The following RTN4 variants were observed in gnomAD, a reference collection of about 807,000 sequenced individuals.
The protein encoded by RTN4 is reticulon-4.
A neutral mutation model predicts 90.4 loss-of-function variants in RTN4; 32 were observed. The ratio of observed to expected loss-of-function variants is 0.35; its 90% CI spans 0.27 to 0.48. RTN4 has a LOEUF of 0.48. Among genes scored for constraint, RTN4 ranks in the 20% least tolerant of loss-of-function variants. The pLI, the probability that RTN4 is intolerant of heterozygous loss-of-function variation, is 0.99. For missense variants in RTN4, 1,706 were observed against 1,430.2 expected (o/e 1.19, Z -3.11); for synonymous variants, 629 against 552.5 (o/e 1.14, Z -1.94).
At chr2:55,103,680 A>G (rs1329605774) in intron 1 of RTN4, among the ~76,000 whole-genome samples, 1 of 152,010 alleles carries the variant, frequency 6.6e-6, no homozygotes, top group Non-Finnish European at 1.5e-5. Context: ...ACAGTTGTAT[A>G]CTTTAAAAAT....
In RTN4 at chr2:55,059,310, G is replaced by GT. The variant is rs35786539; in HGVS notation, c.-63+21178dup. On this transcript the variant is annotated intron_variant, in intron 2 of 3. Coordinates refer to the RTN4 transcript ENST00000427710. ...CAAAATCTATGATTTAGACTTAATT[G>GT]TTTTTTTTTTTTAATATACTTAATA... Among the ~76,000 whole-genome samples, 677 of 150,350 alleles carry GT rather than the reference G, an allele frequency of 4.5e-3. 4 individuals are homozygous for GT. The highest frequency in any genetic ancestry group is 0.016 in the African/African-American group (629 of 40,452).
At chr2:55,113,675 C>T (rs868335939), upstream of RTN4, among the ~76,000 whole-genome samples, 9 of 152,144 alleles carry the variant, frequency 5.9e-5, no homozygotes, top group African/African-American at 2.2e-4. Flanking sequence ...GGTTTCACAA[C>T]CCACATCATC....
At position 54,982,662 on chromosome 2, in the gene RTN4, C is replaced by G. The variant is rs968861579; in HGVS notation, c.3222-9G>C. The G allele has an allele frequency of 6.3e-7, 1 of 1,598,252 alleles. No individual in the cohort carries two copies. Among genetic ancestry groups the G allele is most frequent in the Non-Finnish European group, 8.5e-7 (1 of 1,174,360 alleles). On this transcript the variant is annotated splice_polypyrimidine_tract_variant and intron_variant, in intron 4 of 8. Coordinates refer to ENST00000337526, the MANE Select transcript of RTN4 (RefSeq NM_020532.5). ...CAGATTCCAGATATGCCCTAGAAAA[C>G]AAAACACATCATAATTGTCACTAAT... is the stretch of plus-strand genomic sequence containing the variant.
chr2:55,132,891 T>A, the RTN4 span, among the ~76,000 whole-genome samples: 2 of 21,802 alleles, frequency 9.2e-5, no homozygotes, highest in East Asian at 3.6e-3. Flanking sequence ...TCCAGTTTTG[T>A]TGTTGTTTTT....
In RTN4 at chr2:55,020,484, C is replaced by CTAA. The variant is rs1681347892; in HGVS notation, c.3013+4601_3013+4602insTTA. Reference sequence around the variant, plus strand: ...CCAAGAACATTCATTGATACTACTACTGAGAAAAAAAATCAGTATTTACAT... The same window carrying CTAA: ...CCAAGAACATTCATTGATACTACTACTAATGAGAAAAAAAATCAGTATTTACAT... On this transcript the variant is annotated intron_variant, in intron 3 of 8. Transcript: ENST00000337526. Among the ~76,000 whole-genome samples the CTAA allele has an allele frequency of 2.0e-5, 3 of 148,510 alleles. No homozygotes were observed. The South Asian group carries it at 6.6e-4, about 32-fold the overall frequency.
Position 55,031,043 on chromosome 2 carries a change from AC to A in RTN4, c.557-2824del, listed in dbSNP as rs770122542. ...ACCCTGTAAGGTAGGTACTACTGTT[AC>A]CCCCATTTCACATACGAGAAAAGAG... is the stretch of plus-strand genomic sequence containing the variant. On this transcript the variant is annotated intron_variant, in intron 1 of 8. Transcript: ENST00000337526. Among the ~76,000 whole-genome samples the A allele has an allele frequency of 8.8e-4, 134 of 152,226 alleles. 3 individuals carry two copies. The highest frequency in any genetic ancestry group is 3.7e-3 in the South Asian group (18 of 4,822).
At chr2:55,072,478 C>T (rs1298453284) in intron 2 of RTN4, among the ~76,000 whole-genome samples, 1 of 152,208 alleles carries the variant, frequency 6.6e-6, no homozygotes, top group East Asian at 1.9e-4. Flanking sequence ...ATCCGCCTGC[C>T]TCAGCCTCCC....
At position 55,103,664 on chromosome 2, in the gene RTN4, T is replaced by C. The variant is rs1163133931; in HGVS notation, c.-214+8856A>G. On this transcript the variant is annotated intron_variant, in intron 1 of 3. Transcript: ENST00000427710. ...TCTTTTTCTACGTCTCACAGAAGAC[T>C]TCTATACAGTTGTATACTTTAAAAA... is the stretch of plus-strand genomic sequence containing the variant. 2.0e-5 allele frequency among the ~76,000 whole-genome samples: 3 copies of C among 152,146 alleles called. No homozygotes were observed. In the East Asian group the frequency reaches 5.8e-4, roughly 29 times the overall value.
intron 1 of RTN4, among the ~76,000 whole-genome samples, chr2:55,097,859 G>A (rs1667773075): frequency 6.6e-6 from 1 of 152,042 alleles, no homozygotes; most frequent in Non-Finnish European, 1.5e-5. Flanking sequence ...CAGTGTATAG[G>A]CAAGAGCAGG....
intron 1 of RTN4, among the ~76,000 whole-genome samples, chr2:55,097,301 C>CAAAA (rs5831338): frequency 3.2e-4 from 35 of 108,988 alleles, no homozygotes; most frequent in South Asian, 9.6e-4. Flanking sequence ...AATTCTGTCT[C>CAAAA]AAAAAAAAAA....
chr2:55,120,283 G>A, the RTN4 span, among the ~76,000 whole-genome samples: 1 of 152,172 alleles, frequency 6.6e-6, no homozygotes, highest in South Asian at 2.1e-4. Flanking sequence ...TTAGCTCTCC[G>A]AAGCCACTTT....
intron 1 of RTN4, among the ~76,000 whole-genome samples, chr2:55,034,998 T>A (rs1394392218): frequency 2.0e-5 from 3 of 152,038 alleles, no homozygotes; most frequent in African/African-American, 7.2e-5. Context: ...GAGGTACAGC[T>A]AAAACCCCAA....
intron 2 of RTN4, among the ~76,000 whole-genome samples, chr2:55,061,158 T>A (rs1408184010): frequency 2.0e-5 from 3 of 150,486 alleles, no homozygotes; most frequent in African/African-American, 4.9e-5. Flanking sequence ...CTCCGCCTCC[T>A]GGGTTCCAGC....
upstream of RTN4, among the ~76,000 whole-genome samples, chr2:55,054,129 C>A (rs1437119841): frequency 6.6e-6 from 1 of 152,094 alleles, no homozygotes; most frequent in Non-Finnish European, 1.5e-5. Flanking sequence ...TAAAAAAATT[C>A]TTAAGAGTAC....
At chr2:55,113,134 G>C (rs752122637), upstream of RTN4, among the ~76,000 whole-genome samples, 1 of 152,192 alleles carries the variant, frequency 6.6e-6, no homozygotes, top group African/African-American at 2.4e-5. Flanking sequence ...TTAAGAGAAA[G>C]GCTATGTCCT....
the RTN4 span, among the ~76,000 whole-genome samples, chr2:55,129,493 T>C: frequency 2.0e-5 from 3 of 151,986 alleles, no homozygotes; most frequent in South Asian, 6.2e-4. Context: ...GATAGGAGGA[T>C]TGCCTGAGCC....
intron 1 of RTN4, among the ~76,000 whole-genome samples, chr2:55,103,041 C>A (rs1446444749): frequency 6.6e-6 from 1 of 150,670 alleles, no homozygotes; most frequent in African/African-American, 2.5e-5. Context: ...TCACTTGAAC[C>A]CGGGAGGCGG....
intron 1 of RTN4, among the ~76,000 whole-genome samples, chr2:55,033,955 C>T (rs568804706): frequency 9.9e-5 from 15 of 152,264 alleles, no homozygotes; most frequent in African/African-American, 3.6e-4. Flanking sequence ...ACTGTACTAT[C>T]AAATACTAGA....
chr2:55,125,554 T>A, the RTN4 span, among the ~76,000 whole-genome samples: 46,332 of 152,122 alleles, frequency 0.3, 7,947 homozygotes, highest in African/African-American at 0.46. Context: ...TGACTTGAGG[T>A]TATGAGTTCG....
Sources: gnomAD v4.1 joint callset for allele counts (sites outside exome capture counted in the v4.1 genomes callset) on GRCh38, gnomAD v4.1.1 for gene constraint, MANE v1.5 for transcripts, NCBI Gene and HGNC (gene_info 2026-07-23, HGNC 2026-07-21) for gene names.